Variants in HYDIN observed in about 807,000 individuals in gnomAD.
HYDIN encodes HYDIN axonemal central pair apparatus protein, also known as axonemal central pair apparatus protein HYDIN.
A neutral mutation model predicts 403.9 loss-of-function variants in HYDIN; 132 were observed. That is an observed-to-expected ratio of 0.33 (90% CI 0.28 to 0.38). The LOEUF is 0.38. HYDIN is among the 10% of genes least tolerant of loss of function. The pLI is 1.00. For synonymous variants in HYDIN, 1,202 were observed against 1,891.7 expected (o/e 0.64, Z 9.46); for missense variants, 2,827 against 5,009.5 (o/e 0.56, Z 13.15).
chr16:70,927,279 C>T (rs1798414), intron 45 of HYDIN, among the ~76,000 whole-genome samples: 2,337 of 93,698 alleles, frequency 0.025, no homozygotes, highest in African/African-American at 0.025. Flanking sequence ...AGGTAGGAGG[C>T]GGGGCTCAGA....
At chr16:70,845,879 G>A (rs1447110734) in intron 75 of HYDIN, among the ~76,000 whole-genome samples, 1 of 142,350 alleles carries the variant, frequency 7.0e-6, no homozygotes, top group Non-Finnish European at 1.5e-5. Flanking sequence ...TGTGGGATCG[G>A]TGGTGATATC....
intron 32 of HYDIN, 106 bp from the exon 33 acceptor site, chr16:70,974,406 C>G (rs1237308582): frequency 4.0e-6 from 6 of 1,504,686 alleles, no homozygotes; most frequent in Middle Eastern, 1.8e-4. Context: ...CAGAGGATCA[C>G]TGAATAGCCC....
intron 83 of HYDIN, among the ~76,000 whole-genome samples, chr16:70,821,208 G>T (rs1427046036): frequency 6.6e-6 from 1 of 152,262 alleles, no homozygotes; most frequent in African/African-American, 2.4e-5. Context: ...TAAACTGTCA[G>T]TAATCTTTTA....
At chr16:71,022,708 C>T (rs1173358948) in intron 21 of HYDIN, among the ~76,000 whole-genome samples, 1 of 149,244 alleles carries the variant, frequency 6.7e-6, no homozygotes, top group East Asian at 1.9e-4. Flanking sequence ...ATGAAAAATA[C>T]AGTAATAGGA....
At chr16:70,938,418 C>T (rs867334890) in intron 44 of HYDIN, among the ~76,000 whole-genome samples, 196 bp downstream of exon 44, 9 of 152,242 alleles carry the variant, frequency 5.9e-5, no homozygotes, top group South Asian at 2.1e-4. Flanking sequence ...GTGGGAGAAA[C>T]CCTGAATGGT....
intron 21 of HYDIN, among the ~76,000 whole-genome samples, chr16:71,023,534 CCT>C (rs1373024526): frequency 8.1e-6 from 1 of 122,744 alleles, no homozygotes; most frequent in Non-Finnish European, 1.7e-5. Context: ...TGTTCCCCTC[CCT>C]GTGTCCACGT....
intron 41 of HYDIN, among the ~76,000 whole-genome samples, chr16:70,948,278 C>T (rs1216850844): frequency 1.1e-4 from 16 of 151,604 alleles, no homozygotes; most frequent in South Asian, 2.1e-4. Context: ...AACTGGATCC[C>T]TTCCTTACAC....
chr16:71,009,180 A>G (rs2079992033), intron 23 of HYDIN, among the ~76,000 whole-genome samples: 4 of 148,462 alleles, frequency 2.7e-5, no homozygotes. Flanking sequence ...TGGCATATGA[A>G]GAGCTGGAGC....
At chr16:70,996,482 G>A (rs1457999209) in intron 23 of HYDIN, among the ~76,000 whole-genome samples, 1 of 151,858 alleles carries the variant, frequency 6.6e-6, no homozygotes, top group Non-Finnish European at 1.5e-5. Context: ...TTTGAATTCC[G>A]GCTTCCCCAC....
At chr16:71,149,792 T>C (rs1404987990) in intron 7 of HYDIN, among the ~76,000 whole-genome samples, 1 of 152,108 alleles carries the variant, frequency 6.6e-6, no homozygotes, top group African/African-American at 2.4e-5. Flanking sequence ...CCTCTTAAAA[T>C]GTTGGAATTA....
chr16:71,062,288 T>A lies in HYDIN; in HGVS notation c.2257A>T (p.Ser753Cys). Residue 753 changes from serine (S) to cysteine (C), a missense_variant, in exon 17 of 86, where the codon AGC becomes TGC. By Grantham distance (112) the Ser-to-Cys change is moderately radical. Transcript: ENST00000393567. The stretch of plus-strand genomic sequence containing the variant: ...GTGCTGCTTGGGGAGATGACCCCGC[T>A]GGGGGTGGGGCTGGAAAACAGCACA... ...PTVLFSSPTP[S>C]GVISPSSTIH... is the part of the protein sequence containing the mutation. The A allele has an allele frequency of 1.3e-6, 2 of 1,573,182 alleles. No individual in the cohort carries two copies. The highest frequency in any genetic ancestry group is 1.7e-6 in the Non-Finnish European group (2 of 1,157,202).
At chr16:71,172,883 G>A (rs951180830) in intron 5 of HYDIN, among the ~76,000 whole-genome samples, 7 of 152,198 alleles carry the variant, frequency 4.6e-5, no homozygotes, top group African/African-American at 1.7e-4. Context: ...GACACTTGGT[G>A]AAATGAATGA....
chr16:70,989,236 G>A (rs749437607), intron 25 of HYDIN, among the ~76,000 whole-genome samples: 1 of 151,956 alleles, frequency 6.6e-6, no homozygotes, highest in African/African-American at 2.4e-5. Flanking sequence ...CTGGAGTCTC[G>A]TTATGTTGCC....
chr16:70,875,597 A>G (rs1012692183), intron 62 of HYDIN, among the ~76,000 whole-genome samples: 6 of 152,262 alleles, frequency 3.9e-5, no homozygotes, highest in African/African-American at 1.4e-4. Flanking sequence ...GTGATATCAC[A>G]CGGGAAGCTT....
chr16:71,010,169 C>CT (rs2144097676), intron 23 of HYDIN, among the ~76,000 whole-genome samples: 1 of 148,730 alleles, frequency 6.7e-6, no homozygotes, highest in Admixed American at 6.7e-5. Context: ...TCTGTTTCCC[C>CT]TTCATGACCT....
At position 70,872,111 on chromosome 16, in the gene HYDIN, C is replaced by G. The variant is rs1289560070; in HGVS notation, c.11017G>C (p.Val3673Leu). 6.3e-7 allele frequency: 1 copy of G among 1,576,276 alleles called. No homozygotes were observed. Among genetic ancestry groups the G allele is most frequent in the East Asian group, 2.2e-5 (1 of 44,608 alleles). ...AAGTTCACTTGGCTGTGATTTGTGA[C>G]TGTGAAGCTCGCATTATAGCTGTGT... ...IGHSYNASFT[V>L]TNHSQVNLIR... The change falls in exon 65 of 86, where the codon GTC becomes CTC. Residue 3673 changes from valine (V) to leucine (L), a missense_variant. Transcript: ENST00000393567.
chr16:71,175,763 T>C (rs1036722315), intron 4 of HYDIN, 22 bp from the exon 5 acceptor site: 5 of 1,613,212 alleles, frequency 3.1e-6, no homozygotes, highest in Non-Finnish European at 4.2e-6. Context: ...CACATGATGA[T>C]GAACATCGTG....
At chr16:71,134,140 C>T (rs1285643545) in intron 8 of HYDIN, among the ~76,000 whole-genome samples, 3 of 152,102 alleles carry the variant, frequency 2.0e-5, no homozygotes, top group African/African-American at 4.8e-5. Context: ...CAAGTCTTTG[C>T]TCATCAAGAT....
At chr16:70,920,508 G>A (rs2076959891) in intron 46 of HYDIN, 83 bp downstream of exon 46, 2 of 974,990 alleles carry the variant, frequency 2.1e-6, no homozygotes, top group Non-Finnish European at 3.1e-6. Context: ...TGGGTTTCAG[G>A]TAGGGAGAAG....
Sources: allele counts gnomAD v4.1 joint callset (sites outside exome capture counted in the v4.1 genomes callset), GRCh38; gene constraint gnomAD v4.1.1; transcripts MANE v1.5; gene names NCBI Gene and HGNC (gene_info 2026-07-23, HGNC 2026-07-21).